CNTN4: variants seen among roughly 807,000 people sequenced by gnomAD.
CNTN4 encodes contactin 4, also known as contactin-4.
CNTN4 carries 77 observed loss-of-function variants against 122.5 expected under a neutral mutation model. The observed-to-expected ratio is 0.63, with a 90% CI of 0.52 to 0.76. CNTN4 has a LOEUF of 0.76. CNTN4 is among the 30% of genes least tolerant of loss of function. The probability of loss-of-function intolerance (pLI) is 0.00; values close to 1 mark genes in which losing one functional copy is unlikely to be tolerated. For synonymous variants in CNTN4, 512 were observed against 447.0 expected (o/e 1.15, Z -1.83); for missense variants, 1,256 against 1,259.1 (o/e 1.00, Z 0.04).
intron 4 of CNTN4, among the ~76,000 whole-genome samples, chr3:2,636,924 GTTT>G (rs57301957): frequency 2.0e-5 from 2 of 98,578 alleles, no homozygotes; most frequent in African/African-American, 7.6e-5. Flanking sequence ...TTCTTTCTTT[GTTT>G]TTTTTTTTTT....
chr3:2,105,243 A>G (rs2032335924), intron 2 of CNTN4, among the ~76,000 whole-genome samples: 1 of 152,202 alleles, frequency 6.6e-6, no homozygotes, highest in Admixed American at 6.5e-5. Flanking sequence ...AGGTCACCAC[A>G]TACTACTTGA....
At chr3:2,928,534 A>G (rs17022779) in intron 13 of CNTN4, among the ~76,000 whole-genome samples, 1 of 152,214 alleles carries the variant, frequency 6.6e-6, no homozygotes, top group South Asian at 2.1e-4. Context: ...CACAGCTTTG[A>G]GTAATAATTT....
At chr3:2,213,882 G>A (rs538872106) in intron 2 of CNTN4, among the ~76,000 whole-genome samples, 2 of 152,266 alleles carry the variant, frequency 1.3e-5, no homozygotes, top group South Asian at 4.1e-4. Context: ...GACAGAAGTT[G>A]GAATGAGGTT....
intron 15 of CNTN4, among the ~76,000 whole-genome samples, chr3:3,028,594 G>GTAT (rs1698921246): frequency 6.6e-6 from 1 of 152,116 alleles, no homozygotes; most frequent in Non-Finnish European, 1.5e-5. Flanking sequence ...TAGATAGATG[G>GTAT]TATAGGCATT....
intron 3 of CNTN4, among the ~76,000 whole-genome samples, chr3:2,416,522 T>C (rs1441992175): frequency 1.3e-5 from 2 of 152,220 alleles, no homozygotes; most frequent in Admixed American, 6.5e-5. Context: ...AAATGGAATA[T>C]TGAGCTTCAT....
At chr3:2,194,836 T>A (rs1196868365) in intron 2 of CNTN4, among the ~76,000 whole-genome samples, 1 of 152,180 alleles carries the variant, frequency 6.6e-6, no homozygotes, top group Admixed American at 6.6e-5. Flanking sequence ...TGACAAATTT[T>A]AGAGGGAGCA....
chr3:2,449,947 A>T (rs2048765464), intron 3 of CNTN4, among the ~76,000 whole-genome samples: 1 of 152,148 alleles, frequency 6.6e-6, no homozygotes, highest in Non-Finnish European at 1.5e-5. Context: ...TGGAGGGAGG[A>T]GGAAATGGGA....
intron 2 of CNTN4, among the ~76,000 whole-genome samples, chr3:2,205,547 C>G (rs918764384): frequency 2.0e-5 from 3 of 151,960 alleles, no homozygotes; most frequent in African/African-American, 7.2e-5. Flanking sequence ...AAAACCTGCT[C>G]AAGTTCTCAC....
chr3:2,591,580 G>A (rs1308482074), intron 4 of CNTN4, among the ~76,000 whole-genome samples: 2 of 52,402 alleles, frequency 3.8e-5, no homozygotes, highest in Admixed American at 3.0e-4. Flanking sequence ...TAGCCAGGAT[G>A]GTCTCGATCT....
chr3:2,873,429 C>T (rs2093808471), intron 8 of CNTN4, among the ~76,000 whole-genome samples: 1 of 152,172 alleles, frequency 6.6e-6, no homozygotes, highest in African/African-American at 2.4e-5. Flanking sequence ...CCACAGTGCG[C>T]CATTTTGTGA....
At chr3:2,515,723 G>A (rs1277602152) in intron 3 of CNTN4, among the ~76,000 whole-genome samples, 6 of 151,980 alleles carry the variant, frequency 3.9e-5, no homozygotes, top group South Asian at 2.1e-4. Flanking sequence ...TGATATACTC[G>A]AACCAACTTG....
intron 10 of CNTN4, among the ~76,000 whole-genome samples, chr3:2,897,044 C>T (rs147914172): frequency 2.7e-5 from 4 of 148,260 alleles, no homozygotes; most frequent in East Asian, 4.1e-4. Context: ...TTTAGAAAAT[C>T]GAAGCGCCAA....
intron 4 of CNTN4, among the ~76,000 whole-genome samples, chr3:2,660,442 T>C (rs747866635): frequency 4.1e-4 from 62 of 152,314 alleles, no homozygotes; most frequent in African/African-American, 9.4e-4. Flanking sequence ...CGCTTCACTT[T>C]GAATAAATTT....
At chr3:2,378,554 T>G (rs2045907299) in intron 3 of CNTN4, among the ~76,000 whole-genome samples, 1 of 152,170 alleles carries the variant, frequency 6.6e-6, no homozygotes, top group African/African-American at 2.4e-5. Context: ...TTATTCAACA[T>G]GTTTTGGAAC....
At chr3:2,352,771 G>C (rs1267529497) in intron 3 of CNTN4, among the ~76,000 whole-genome samples, 8 of 152,238 alleles carry the variant, frequency 5.3e-5, no homozygotes, top group Non-Finnish European at 1.2e-4. Context: ...AGGAGTGCAG[G>C]TGCACGGTGC....
chr3:2,423,561 T>C (rs1461897827), intron 3 of CNTN4, among the ~76,000 whole-genome samples: 1 of 152,184 alleles, frequency 6.6e-6, no homozygotes, highest in East Asian at 1.9e-4. Context: ...GACTAAAATG[T>C]ACCTTAAATT....
chr3:2,920,116 A>C (rs1203289602), intron 12 of CNTN4, among the ~76,000 whole-genome samples: 1 of 151,956 alleles, frequency 6.6e-6, no homozygotes, highest in African/African-American at 2.4e-5. Flanking sequence ...TGTATTTCTT[A>C]TCCATACCAG....
At chr3:2,528,341 T>A (rs1277739289) in intron 3 of CNTN4, among the ~76,000 whole-genome samples, 4 of 152,176 alleles carry the variant, frequency 2.6e-5, no homozygotes, top group Non-Finnish European at 2.9e-5. Context: ...GTGTATTATC[T>A]CATATGTGGA....
At chr3:2,623,990 G>T (rs1318630397) in intron 4 of CNTN4, among the ~76,000 whole-genome samples, 2 of 152,152 alleles carry the variant, frequency 1.3e-5, no homozygotes, top group Non-Finnish European at 2.9e-5. Context: ...ATGGAATTTT[G>T]ATCAGCTACA....
Sources: gnomAD v4.1 joint callset for allele counts (sites outside exome capture counted in the v4.1 genomes callset) on GRCh38, gnomAD v4.1.1 for gene constraint, MANE v1.5 for transcripts, NCBI Gene and HGNC (gene_info 2026-07-23, HGNC 2026-07-21) for gene names.